Variants in SLIT2 observed in about 807,000 individuals in gnomAD.
SLIT2 encodes the protein slit homolog 2 protein.
Under a neutral mutation model 185.7 loss-of-function variants are expected in SLIT2, and 41 were observed. That is an observed-to-expected ratio of 0.22 (90% confidence interval 0.17 to 0.29). The LOEUF is 0.29. Among genes scored for constraint, SLIT2 ranks in the 10% least tolerant of loss-of-function variants. The pLI is 1.00. For synonymous variants in SLIT2, 693 were observed against 680.2 expected, an observed-to-expected ratio of 1.02 and a Z score of -0.29; for missense variants, 1,571 against 1,909.0, an observed-to-expected ratio of 0.82 and a Z score of 3.30.
chr4:20,291,648 G>A (rs940504000), intron 4 of SLIT2, among the ~76,000 whole-genome samples: 15 of 150,524 alleles, frequency 1.0e-4, no homozygotes, highest in African/African-American at 2.7e-4. Flanking sequence ...AAAATGTATC[G>A]TATATTGGTA....
intron 3 of SLIT2, 27 bp downstream of exon 3, chr4:20,257,966 G>C (rs914573348): frequency 9.2e-7 from 1 of 1,085,686 alleles, no homozygotes; most frequent in Non-Finnish European, 1.4e-6. Flanking sequence ...CCAAAGTTAT[G>C]ACAACATAAC....
rs1443935600 is a variant in SLIT2 at position 20,252,125 on chromosome 4, C to T, written c.-1691C>T. Among the ~76,000 whole-genome samples the T allele has an allele frequency of 1.3e-5, 2 of 151,892 alleles. No individual in the cohort carries two copies. Among genetic ancestry groups the T allele is most frequent in the Non-Finnish European group, 2.9e-5 (2 of 67,968 alleles). On this transcript the variant is annotated 5_prime_UTR_variant, in exon 1 of 37. Coordinates refer to ENST00000504154, the MANE Select transcript of SLIT2 (RefSeq NM_004787.4). ...GGAGTGCTGAGCAGAAAGGGGAGCG[C>T]CGGGGGCCCGCAGCCGGCTCCGGAG...
intron 4 of SLIT2, among the ~76,000 whole-genome samples, chr4:20,442,962 T>C (rs1004253204): frequency 1.3e-5 from 2 of 152,138 alleles, no homozygotes; most frequent in Admixed American, 6.6e-5. Context: ...AGAAAAGGGC[T>C]TTTTTCCCCC....
intron 5 of SLIT2, among the ~76,000 whole-genome samples, chr4:20,476,036 C>A (rs1262732067): frequency 6.6e-6 from 1 of 152,122 alleles, no homozygotes; most frequent in African/African-American, 2.4e-5. Flanking sequence ...GCTTTCTTTA[C>A]CAGTTTTGAA....
At chr4:20,266,167 G>T (rs930899148) in intron 3 of SLIT2, among the ~76,000 whole-genome samples, 1 of 151,672 alleles carries the variant, frequency 6.6e-6, no homozygotes, top group African/African-American at 2.4e-5. Context: ...GAATAAGAAA[G>T]GGATAATAAT....
At chr4:20,280,343 A>AAAAAAAAGAACAAC (rs1714619615) in intron 4 of SLIT2, among the ~76,000 whole-genome samples, 1 of 151,598 alleles carries the variant, frequency 6.6e-6, no homozygotes, top group Non-Finnish European at 1.5e-5. Context: ...AAAAAAAAAA[A>AAAAAAAAGAACAAC]AAAAAAAAGA....
chr4:20,369,710 C>A (rs1021966434), intron 4 of SLIT2, among the ~76,000 whole-genome samples: 1 of 152,054 alleles, frequency 6.6e-6, no homozygotes, highest in Middle Eastern at 3.2e-3. Context: ...CCATCCCTCT[C>A]CTATGTCACT....
At chr4:20,286,568 G>A (rs571087126) in intron 4 of SLIT2, among the ~76,000 whole-genome samples, 2 of 152,248 alleles carry the variant, frequency 1.3e-5, no homozygotes, top group East Asian at 1.9e-4. Flanking sequence ...TTGGGAGGCC[G>A]AGGTGGATGA....
At position 20,288,969 on chromosome 4, in the gene SLIT2, G is replaced by C. The variant is rs116073819; in HGVS notation, c.395+20088G>C. 2.7e-3 allele frequency among the ~76,000 whole-genome samples: 415 copies of C among 152,328 alleles called. 3 individuals carry two copies. Among genetic ancestry groups the C allele is most frequent in the African/African-American group, 9.2e-3 (383 of 41,574 alleles). ...TTTTCAATTGAATTGAACCAACTTA[G>C]GTGAAGTTGCCAAAGAAAGGGCATG... On this transcript the variant is annotated intron_variant, in intron 4 of 36. Transcript: ENST00000504154.
chr4:20,364,510 A>G (rs1327012365), intron 4 of SLIT2, among the ~76,000 whole-genome samples: 1 of 152,154 alleles, frequency 6.6e-6, no homozygotes, highest in Admixed American at 6.6e-5. Context: ...TTTGTTTTCT[A>G]GTTCCTACTT....
chr4:20,299,311 T>C (rs536893174), intron 4 of SLIT2, among the ~76,000 whole-genome samples: 1 of 152,318 alleles, frequency 6.6e-6, no homozygotes, highest in Admixed American at 6.5e-5. Context: ...TATATTTATA[T>C]ATCAACAAGG....
rs535759603 is a variant in SLIT2, at chr4:20,431,759, A to G, written c.396-35993A>G. 7.2e-5 allele frequency among the ~76,000 whole-genome samples: 11 copies of G among 152,132 alleles called. No homozygotes were observed. In the South Asian group the frequency reaches 2.3e-3, roughly 32 times the overall value. On this transcript the variant is annotated intron_variant, in intron 4 of 36. Transcript: ENST00000504154. ...TTTGTTCATTTCCTCTACTTCATAT[A>G]GCTTATTTGACTTCTTGGAATAGCG...
chr4:20,353,143 G>A (rs906301554), intron 4 of SLIT2, among the ~76,000 whole-genome samples: 16 of 152,116 alleles, frequency 1.1e-4, no homozygotes, highest in Non-Finnish European at 2.1e-4. Flanking sequence ...GGAAAAACAG[G>A]TTTGTATTGA....
chr4:20,567,555 G>A lies in SLIT2; in HGVS notation c.2888G>A (p.Ser963Asn), dbSNP rs747367680. Residue 963 changes from serine to asparagine, a missense_variant, in exon 28 of 37, where the codon AGT (serine) becomes AAT (asparagine). By Grantham distance (46) the Ser-to-Asn change is conservative (BLOSUM62 1). Around this residue, in one of 3 missense-constraint regions of SLIT2, gnomAD observed 1,202 missense variants for 1,416.4 expected, o/e 0.85. Coordinates refer to ENST00000504154, the MANE Select transcript of SLIT2 (RefSeq NM_004787.4). ...GATGTCCCAATTCATGCCTGCATCA[G>A]TAACCCATGTAAACATGGAGGAACT... ...DCDVPIHACI[S>N]NPCKHGGTCH... 2.5e-6 allele frequency: 4 copies of A among 1,613,386 alleles called. No homozygotes were observed. The highest frequency in any genetic ancestry group is 2.2e-5 in the South Asian group (2 of 91,070).
In SLIT2 at chr4:20,252,406, G is replaced by C; in HGVS notation, c.-1410G>C. Among the ~76,000 whole-genome samples, 1 of 152,194 alleles carries C rather than the reference G, an allele frequency of 6.6e-6. No individual in the cohort carries two copies. Among genetic ancestry groups the C allele is most frequent in the Middle Eastern group, 3.2e-3 (1 of 316 alleles). On this transcript the variant is annotated 5_prime_UTR_variant, in exon 1 of 37. Coordinates refer to ENST00000504154, the MANE Select transcript of SLIT2 (RefSeq NM_004787.4). ...GGAAAGCAGCGGGAGAGGGGAAGGG[G>C]CTAGAAGGAGAAGGACTACCCGGGA...
At chr4:20,362,891 GT>G (rs1722850921) in intron 4 of SLIT2, among the ~76,000 whole-genome samples, 2 of 151,192 alleles carry the variant, frequency 1.3e-5, no homozygotes, top group African/African-American at 4.9e-5. Flanking sequence ...ATATTAAAAT[GT>G]TTCCTTTAAA....
intron 34 of SLIT2, among the ~76,000 whole-genome samples, chr4:20,611,655 G>A (rs1240073354): frequency 1.3e-5 from 2 of 152,172 alleles, no homozygotes; most frequent in African/African-American, 4.8e-5. Context: ...TTTTGGATGG[G>A]TGAAGCCAAG....
intron 5 of SLIT2, among the ~76,000 whole-genome samples, chr4:20,469,902 C>G (rs955065796): frequency 7.9e-5 from 12 of 151,816 alleles, no homozygotes; most frequent in Admixed American, 7.9e-4. Flanking sequence ...ATTATAGGCA[C>G]TCGCCACCAT....
chr4:20,396,117 A>G, intron 4 of SLIT2, among the ~76,000 whole-genome samples: 1 of 151,984 alleles, frequency 6.6e-6, no homozygotes, highest in East Asian at 1.9e-4. Context: ...ACAAAAACAA[A>G]ATTGGATAAT....
Sources: gnomAD v4.1 joint callset for allele counts (sites outside exome capture counted in the v4.1 genomes callset) on GRCh38, gnomAD v4.1.1 for gene constraint, gnomAD v4.1.1 regional missense constraint, MANE v1.5 for transcripts, NCBI Gene and HGNC (gene_info 2026-07-23, HGNC 2026-07-21) for gene names.